The following TCF4 variants were observed in gnomAD, a reference collection of about 807,000 sequenced individuals.
TCF4 encodes the protein transcription factor 4.
In TCF4, 3 loss-of-function variants were observed where a neutral mutation model predicts 82.1. That is an observed-to-expected ratio of 0.04 (90% CI 0.02 to 0.09). The LOEUF (loss-of-function observed/expected upper bound fraction) is 0.09, where lower values mean the gene tolerates loss of function less well. Among genes scored for constraint, TCF4 ranks in the 10% least tolerant of loss-of-function variants. The probability of loss-of-function intolerance (pLI) is 1.00; values close to 1 mark genes in which losing one functional copy is unlikely to be tolerated. For missense variants in TCF4, 518 were observed against 852.7 expected (o/e 0.61, Z 4.89); for synonymous variants, 276 against 309.6 (o/e 0.89, Z 1.14).
chr18:55,621,656 A>AATATAATATATAAT (rs1555791514), intron 2 of TCF4, among the ~76,000 whole-genome samples: 5 of 53,286 alleles, frequency 9.4e-5, no homozygotes, highest in African/African-American at 3.0e-4. Flanking sequence ...TACATTATAT[A>AATATAATATATAAT]ATATACATTA....
intron 5 of TCF4, among the ~76,000 whole-genome samples, chr18:55,448,461 G>A (rs1322737970): frequency 2.0e-5 from 3 of 152,176 alleles, no homozygotes; most frequent in Non-Finnish European, 4.4e-5. Context: ...CCTGACTAAC[G>A]GACCATGTCT....
chr18:55,542,349 T>A (rs150302325), intron 3 of TCF4, among the ~76,000 whole-genome samples: 1 of 151,968 alleles, frequency 6.6e-6, no homozygotes, highest in South Asian at 2.1e-4. Context: ...GATCTTCATA[T>A]GGCAAGGGGG....
intron 6 of TCF4, chr18:55,351,689 T>G (rs765184691): frequency 8.4e-5 from 27 of 320,198 alleles, no homozygotes; most frequent in Non-Finnish European, 1.1e-4. Flanking sequence ...ACTAGAAAAC[T>G]TCCACAATAA....
chr18:55,315,490 T>C (rs1568946189), intron 8 of TCF4, among the ~76,000 whole-genome samples: 1 of 152,128 alleles, frequency 6.6e-6, no homozygotes, highest in Non-Finnish European at 1.5e-5. Flanking sequence ...AAATAAAAGG[T>C]TGTAGTTTGG....
intron 6 of TCF4, among the ~76,000 whole-genome samples, chr18:55,394,701 T>G (rs950914238): frequency 1.3e-5 from 2 of 152,228 alleles, no homozygotes; most frequent in African/African-American, 2.4e-5. Flanking sequence ...CAAAGAAATA[T>G]TCTTGTCGGT....
intron 3 of TCF4, among the ~76,000 whole-genome samples, chr18:55,509,855 A>G (rs2096805596): frequency 6.6e-6 from 1 of 152,196 alleles, no homozygotes; most frequent in Non-Finnish European, 1.5e-5. Context: ...GACTGCAGCC[A>G]GGGAAATTCC....
intron 5 of TCF4, among the ~76,000 whole-genome samples, chr18:55,432,842 C>T (rs989639756): frequency 6.6e-6 from 1 of 152,212 alleles, no homozygotes; most frequent in African/African-American, 2.4e-5. Flanking sequence ...TACAAGTCCT[C>T]ACCAGATGCA....
Position 55,285,272 on chromosome 18 carries a change from T to C in TCF4, c.550-5616A>G, listed in dbSNP as rs78068327. 2.4e-3 allele frequency among the ~76,000 whole-genome samples: 370 copies of C among 152,302 alleles called. 3 individuals are homozygous for C. The highest frequency in any genetic ancestry group is 8.4e-3 in the African/African-American group (351 of 41,560). ...AGGTTCAAATTCCAGCTCTCACAAT[T>C]CCTTGCGAGGACATAACAAAGCAAT... On this transcript the variant is annotated intron_variant, in intron 8 of 19. Transcript: ENST00000354452.
chr18:55,242,668 G>A (rs941351968), intron 15 of TCF4, among the ~76,000 whole-genome samples: 7 of 151,252 alleles, frequency 4.6e-5, no homozygotes, highest in Non-Finnish European at 7.4e-5. Flanking sequence ...GGAGTGCAGT[G>A]GCATGATCTT....
chr18:55,520,355 T>C (rs2096922845), intron 3 of TCF4, among the ~76,000 whole-genome samples: 1 of 152,168 alleles, frequency 6.6e-6, no homozygotes, highest in South Asian at 2.1e-4. Flanking sequence ...GCTATATAAA[T>C]ATAGATATGT....
chr18:55,540,762 T>C (rs1238208060), intron 3 of TCF4, among the ~76,000 whole-genome samples: 1 of 152,038 alleles, frequency 6.6e-6, no homozygotes, highest in Admixed American at 6.6e-5. Flanking sequence ...TTCACAAACA[T>C]CTATTTTGTG....
chr18:55,278,204 T>TA (rs35113673), intron 9 of TCF4, among the ~76,000 whole-genome samples: 16,306 of 152,188 alleles, frequency 0.11, 1,566 homozygotes, highest in African/African-American at 0.26. Flanking sequence ...GTGTCCACTA[T>TA]ATCAGGCTGC....
intron 3 of TCF4, among the ~76,000 whole-genome samples, chr18:55,493,104 CAT>C (rs904091587): frequency 7.9e-5 from 12 of 152,178 alleles, no homozygotes; most frequent in Admixed American, 5.9e-4. Context: ...TATCTGTTCA[CAT>C]GTTACCAGTA....
chr18:55,581,721 G>A lies in TCF4; in HGVS notation c.145+3559C>T, dbSNP rs571883113. On this transcript the variant is annotated intron_variant, in intron 3 of 19. Transcript: ENST00000354452. ...CCGCCTCAATGAATTCACTAAATTG[G>A]CATATTATGTTGGTGTCATGTGGAT... Among the ~76,000 whole-genome samples the A allele has an allele frequency of 2.0e-5, 3 of 152,090 alleles. No homozygotes were observed. In the South Asian group the frequency reaches 6.2e-4, roughly 32 times the overall value.
At chr18:55,329,578 A>G (rs1304820045) in intron 8 of TCF4, among the ~76,000 whole-genome samples, 3 of 152,188 alleles carry the variant, frequency 2.0e-5, no homozygotes, top group Non-Finnish European at 2.9e-5. Flanking sequence ...ATGATTTGGG[A>G]AAAAAATTGA....
At chr18:55,301,747 C>T (rs1471053950) in intron 8 of TCF4, among the ~76,000 whole-genome samples, 7 of 119,588 alleles carry the variant, frequency 5.9e-5, no homozygotes, top group Non-Finnish European at 9.6e-5. Context: ...TGAGATTCTT[C>T]TTTTGCAAAC....
chr18:55,619,010 G>C (rs1028546745), intron 2 of TCF4, among the ~76,000 whole-genome samples: 4 of 152,034 alleles, frequency 2.6e-5, no homozygotes, highest in African/African-American at 9.7e-5. Context: ...TATCAGAGCA[G>C]TGCTGGATTC....
intron 11 of TCF4, among the ~76,000 whole-genome samples, chr18:55,262,567 T>A (rs1334661495): frequency 6.6e-6 from 1 of 152,182 alleles, no homozygotes; most frequent in Non-Finnish European, 1.5e-5. Context: ...CAAAACTTCA[T>A]TAAACAGGTA....
rs2061467135 is a variant in TCF4, at chr18:55,276,176, G to GA, written c.656-425dup. On this transcript the variant is annotated intron_variant, in intron 9 of 19. Transcript: ENST00000354452. ...TTGACAAGTTTTAAAAGCATGTAAA[G>GA]AAGTATTAATTTTAAAAAATCTCAG... Among the ~76,000 whole-genome samples the GA allele has an allele frequency of 5.9e-5, 9 of 152,096 alleles. No homozygotes were observed. The South Asian group carries it at 1.9e-3, about 31-fold the overall frequency.
Sources: gnomAD v4.1 joint callset for allele counts (sites outside exome capture counted in the v4.1 genomes callset) on GRCh38, gnomAD v4.1.1 for gene constraint, MANE v1.5 for transcripts, NCBI Gene and HGNC (gene_info 2026-07-23, HGNC 2026-07-21) for gene names.